The following DSCAM variants were observed in gnomAD, a reference collection of about 807,000 sequenced individuals.
DSCAM encodes the protein DS cell adhesion molecule.
Under a neutral mutation model 217.7 loss-of-function variants are expected in DSCAM, and 47 were observed. The observed-to-expected ratio is 0.22, with a 90% CI of 0.17 to 0.28. The LOEUF (loss-of-function observed/expected upper bound fraction) is 0.28, where lower values mean the gene tolerates loss of function less well. DSCAM is among the 10% of genes least tolerant of loss of function. The pLI, the probability that DSCAM is intolerant of heterozygous loss-of-function variation, is 1.00. For missense variants in DSCAM, 2,080 were observed against 2,618.3 expected (o/e 0.79, Z 4.49); for synonymous variants, 1,056 against 1,015.3 (o/e 1.04, Z -0.76).
intron 11 of DSCAM, among the ~76,000 whole-genome samples, chr21:40,204,851 C>T (rs891561974): frequency 5.9e-5 from 9 of 152,218 alleles, no homozygotes; most frequent in Admixed American, 4.6e-4. Flanking sequence ...ACATGTGCAA[C>T]TAAAACCAGT....
intron 1 of DSCAM, among the ~76,000 whole-genome samples, chr21:40,769,457 G>T (rs975874664): frequency 1.3e-5 from 2 of 152,128 alleles, no homozygotes; most frequent in African/African-American, 4.8e-5. Flanking sequence ...GATGAGGCCT[G>T]CATGCTGTGG....
intron 20 of DSCAM, among the ~76,000 whole-genome samples, chr21:40,115,348 G>T (rs1209046254): frequency 6.6e-6 from 1 of 152,102 alleles, no homozygotes; most frequent in African/African-American, 2.4e-5. Flanking sequence ...CTCACTCATA[G>T]GTGGGAATTG....
rs539832978 is a variant in DSCAM, at chr21:40,550,979, T to C, written c.508+141831A>G. ...CTACTTGTTACAGTGTAGATTACAG[T>C]CCCTTTACACGTCCAGTTAGATGAC... On this transcript the variant is annotated intron_variant, in intron 3 of 32. Transcript: ENST00000400454. Among the ~76,000 whole-genome samples, 3 of 152,294 alleles carry C rather than the reference T, an allele frequency of 2.0e-5. No homozygotes were observed. In the South Asian group the frequency reaches 6.2e-4, roughly 32 times the overall value.
intron 1 of DSCAM, among the ~76,000 whole-genome samples, chr21:40,786,002 C>T (rs1026933508): frequency 1.5e-4 from 23 of 152,072 alleles, no homozygotes; most frequent in Admixed American, 1.3e-4. Flanking sequence ...TTTGGGAGGC[C>T]GAGGTGGGCA....
chr21:40,653,797 G>A (rs1428303410), intron 3 of DSCAM, among the ~76,000 whole-genome samples: 1 of 152,146 alleles, frequency 6.6e-6, no homozygotes, highest in Admixed American at 6.5e-5. Context: ...CCGTCTTTGT[G>A]GATTAAAACT....
At chr21:40,676,406 A>G (rs527386151) in intron 3 of DSCAM, among the ~76,000 whole-genome samples, 4 of 152,306 alleles carry the variant, frequency 2.6e-5, no homozygotes, top group Non-Finnish European at 4.4e-5. Context: ...TTTCATGGAA[A>G]AGGTTTACTG....
At chr21:40,345,903 G>C (rs1032571331) in intron 6 of DSCAM, among the ~76,000 whole-genome samples, 1 of 151,692 alleles carries the variant, frequency 6.6e-6, no homozygotes, top group Non-Finnish European at 1.5e-5. Flanking sequence ...CTGGCGGTGC[G>C]CCTCGGCCCC....
At chr21:40,072,573 C>T (rs948551938) in intron 27 of DSCAM, among the ~76,000 whole-genome samples, 5 of 152,186 alleles carry the variant, frequency 3.3e-5, no homozygotes, top group South Asian at 2.1e-4. Context: ...TGGTCTCGAT[C>T]TCCTGACCTC....
chr21:40,794,431 C>T (rs927657519), intron 1 of DSCAM, among the ~76,000 whole-genome samples: 1 of 151,502 alleles, frequency 6.6e-6, no homozygotes, highest in African/African-American at 2.4e-5. Flanking sequence ...GGGACTCAGG[C>T]AACATCAGTT....
At chr21:40,372,166 T>C (rs1225086671) in intron 3 of DSCAM, among the ~76,000 whole-genome samples, 1 of 152,192 alleles carries the variant, frequency 6.6e-6, no homozygotes, top group East Asian at 1.9e-4. Context: ...TAACAAGGAA[T>C]CATTTTAACT....
chr21:40,667,466 C>G (rs78455787), intron 3 of DSCAM, among the ~76,000 whole-genome samples: 2,180 of 152,246 alleles, frequency 0.014, 37 homozygotes, highest in South Asian at 0.052. Flanking sequence ...AATATGTGCC[C>G]AAAGTGTCTA....
chr21:40,765,723 T>G (rs2091381343), intron 1 of DSCAM, among the ~76,000 whole-genome samples: 1 of 152,190 alleles, frequency 6.6e-6, no homozygotes. Context: ...AAGAGGCCAA[T>G]TATCTGTTTG....
intron 32 of DSCAM, among the ~76,000 whole-genome samples, chr21:40,023,118 T>C (rs1452593627): frequency 2.7e-4 from 41 of 149,726 alleles, no homozygotes; most frequent in Non-Finnish European, 3.7e-4. Context: ...TGAGAATATG[T>C]GGTGTTTGGT....
chr21:40,608,010 G>A (rs1271431215), intron 3 of DSCAM, among the ~76,000 whole-genome samples: 1 of 152,098 alleles, frequency 6.6e-6, no homozygotes, highest in Non-Finnish European at 1.5e-5. Context: ...GGAGTTTCAG[G>A]AGGGCCCTGG....
chr21:40,196,252 G>T (rs1338038798), intron 11 of DSCAM, among the ~76,000 whole-genome samples: 2 of 152,152 alleles, frequency 1.3e-5, no homozygotes, highest in Non-Finnish European at 2.9e-5. Context: ...TGGGAGCAGA[G>T]AATCTGACTC....
At chr21:40,108,350 C>T (rs949671399) in intron 20 of DSCAM, among the ~76,000 whole-genome samples, 1 of 152,144 alleles carries the variant, frequency 6.6e-6, no homozygotes, top group African/African-American at 2.4e-5. Flanking sequence ...CATTCCTATC[C>T]TCTAACAACA....
At chr21:40,294,266 G>A (rs545795173) in intron 10 of DSCAM, among the ~76,000 whole-genome samples, 22 of 152,250 alleles carry the variant, frequency 1.4e-4, no homozygotes, top group African/African-American at 2.2e-4. Context: ...AGAGATAAGC[G>A]TGCAAGTAAC....
intron 15 of DSCAM, among the ~76,000 whole-genome samples, chr21:40,173,797 C>T (rs2090686129): frequency 6.6e-6 from 1 of 152,154 alleles, no homozygotes; most frequent in Non-Finnish European, 1.5e-5. Flanking sequence ...GTGCCAGATT[C>T]ATTGGAAACC....
At chr21:40,223,004 A>G (rs939490513) in intron 11 of DSCAM, among the ~76,000 whole-genome samples, 1 of 152,216 alleles carries the variant, frequency 6.6e-6, no homozygotes, top group African/African-American at 2.4e-5. Context: ...TTCTTTGCTC[A>G]ATATTCTTTT....
Sources: gnomAD v4.1 joint callset for allele counts (sites outside exome capture counted in the v4.1 genomes callset) on GRCh38, gnomAD v4.1.1 for gene constraint, MANE v1.5 for transcripts, NCBI Gene and HGNC (gene_info 2026-07-23, HGNC 2026-07-21) for gene names.